TRIM44: variants seen among roughly 807,000 people sequenced by gnomAD.
TRIM44 encodes the protein tripartite motif containing 44, also known as tripartite motif-containing protein 44.
A neutral mutation model predicts 37.4 loss-of-function variants in TRIM44; 13 were observed. The observed-to-expected ratio is 0.35, with a 90% CI of 0.23 to 0.55. The LOEUF (loss-of-function observed/expected upper bound fraction) is 0.55. Among genes scored for constraint, TRIM44 ranks in the 20% least tolerant of loss-of-function variants. The probability of loss-of-function intolerance (pLI) is 0.89; values close to 1 mark genes in which losing one functional copy is unlikely to be tolerated. For synonymous variants in TRIM44, 175 were observed against 157.2 expected (o/e 1.11, Z -0.85); for missense variants, 426 against 437.2 (o/e 0.97, Z 0.23).
At chr11:35,797,978 C>T (rs1026468029) in intron 4 of TRIM44, among the ~76,000 whole-genome samples, 10 of 152,218 alleles carry the variant, frequency 6.6e-5, no homozygotes, top group Admixed American at 5.2e-4. Context: ...ACACCCATGA[C>T]ACAGCCTCAG....
At chr11:35,703,585 G>A (rs6484797) in intron 2 of TRIM44, among the ~76,000 whole-genome samples, 63,815 of 151,968 alleles carry the variant, frequency 0.42, 14,683 homozygotes, top group African/African-American at 0.6. Context: ...ACGATCAGAC[G>A]GCAGCATTCG....
rs559428930 is a variant in TRIM44, at chr11:35,814,603, G to A, written c.*8218G>A. On this transcript the variant is annotated 3_prime_UTR_variant, in exon 5 of 5. Coordinates refer to ENST00000299413, the MANE Select transcript of TRIM44 (RefSeq NM_017583.6). ...TGATGCACTGCTTTCAACACTGCAT[G>A]ACTGTAAAAACATGTGCCACGCTGA... 3.5e-4 allele frequency: 54 copies of A among 152,252 alleles called. 4 individuals are homozygous for A. The highest frequency in any genetic ancestry group is 1.3e-3 in the African/African-American group (52 of 41,542). The allele number at this position is 152,252 out of a possible 1,614,324, so 9.4% of individuals were successfully genotyped here. A position where few individuals can be genotyped will look rare whatever the true frequency, so the allele number is the denominator to read the frequency against.
chr11:35,797,956 A>G (rs1342135605), intron 4 of TRIM44, among the ~76,000 whole-genome samples: 1 of 152,194 alleles, frequency 6.6e-6, no homozygotes, highest in African/African-American at 2.4e-5. Context: ...TTATTTTGCC[A>G]AGGTTAAGGA....
rs1483281905 is a variant in TRIM44, at chr11:35,814,331, T to A, written c.*7946T>A. On this transcript the variant is annotated 3_prime_UTR_variant, in exon 5 of 5. Transcript: ENST00000299413. The stretch of plus-strand genomic sequence containing the variant: ...ATTCAGAAGCAAAAGACACATGAAG[T>A]TATGTGGCAGTTCCTCACTAGGGAA... 6.6e-6 allele frequency: 1 copy of A among 152,164 alleles called. No individual in the cohort carries two copies. The highest frequency in any genetic ancestry group is 6.6e-5 in the Admixed American group (1 of 15,266). 9.4% of individuals were successfully genotyped at this position (152,164 alleles called of 1,614,324 possible).
chr11:35,735,812 T>C (rs1295101508), intron 4 of TRIM44, among the ~76,000 whole-genome samples: 1 of 152,146 alleles, frequency 6.6e-6, no homozygotes, highest in African/African-American at 2.4e-5. Flanking sequence ...AGATTGATTT[T>C]TTTAATGGGC....
In TRIM44 at chr11:35,817,319, C is replaced by T. The variant is rs2133891759; in HGVS notation, c.*10934C>T. On this transcript the variant is annotated 3_prime_UTR_variant, in exon 5 of 5. Transcript: ENST00000299413. The stretch of plus-strand genomic sequence containing the variant: ...GAGAGTTGAGAAGCCTCACTCCCAT[C>T]CCTGCTCTGCCACTGACAAGTTGTG... 6.6e-6 allele frequency: 1 copy of T among 152,322 alleles called. No homozygotes were observed. Among genetic ancestry groups the T allele is most frequent in the South Asian group, 2.1e-4 (1 of 4,832 alleles). 9.4% of individuals were successfully genotyped at this position (152,322 alleles called of 1,614,324 possible). A position where few individuals can be genotyped will look rare whatever the true frequency, so the allele number is the denominator to read the frequency against.
intron 1 of TRIM44, among the ~76,000 whole-genome samples, chr11:35,678,786 G>A (rs1031979340): frequency 6.6e-6 from 1 of 152,076 alleles, no homozygotes; most frequent in Non-Finnish European, 1.5e-5. Context: ...TTTTAGTAGA[G>A]ATAGGGTTTC....
intron 2 of TRIM44, among the ~76,000 whole-genome samples, chr11:35,715,485 G>A (rs1852029562): frequency 6.6e-6 from 1 of 151,704 alleles, no homozygotes; most frequent in South Asian, 2.1e-4. Context: ...TATGGAGGAG[G>A]GAGAACCATG....
chr11:35,743,210 A>G (rs1178653128), intron 4 of TRIM44, among the ~76,000 whole-genome samples: 2 of 152,192 alleles, frequency 1.3e-5, no homozygotes. Flanking sequence ...GAATAACTGC[A>G]TGACTGGCCT....
intron 1 of TRIM44, among the ~76,000 whole-genome samples, chr11:35,678,325 G>A (rs1851483239): frequency 6.6e-6 from 1 of 152,144 alleles, no homozygotes. Context: ...AAGAATACAT[G>A]CCAACTGGAT....
chr11:35,713,502 CTT>C (rs34352321), intron 2 of TRIM44, among the ~76,000 whole-genome samples: 73 of 139,986 alleles, frequency 5.2e-4, no homozygotes, highest in Non-Finnish European at 5.4e-4. Flanking sequence ...ATATGACATG[CTT>C]TTTTTTTTTT....
intron 4 of TRIM44, among the ~76,000 whole-genome samples, chr11:35,787,702 G>T (rs1176547067): frequency 1.3e-5 from 2 of 152,234 alleles, no homozygotes; most frequent in Non-Finnish European, 2.9e-5. Context: ...AAAGCCAAGT[G>T]TCTGTACCCA....
At chr11:35,740,827 A>C (rs2135524166) in intron 4 of TRIM44, among the ~76,000 whole-genome samples, 1 of 152,214 alleles carries the variant, frequency 6.6e-6, no homozygotes, top group African/African-American at 2.4e-5. Flanking sequence ...GTCTTTTATC[A>C]CATATGGAGT....
intron 4 of TRIM44, among the ~76,000 whole-genome samples, chr11:35,783,774 A>G (rs1469607477): frequency 6.6e-6 from 1 of 152,156 alleles, no homozygotes; most frequent in African/African-American, 2.4e-5. Context: ...GTAATTCACT[A>G]TGCCTATCAG....
chr11:35,757,267 T>C (rs886954444), intron 4 of TRIM44, among the ~76,000 whole-genome samples: 2 of 152,246 alleles, frequency 1.3e-5, no homozygotes, highest in Non-Finnish European at 2.9e-5. Flanking sequence ...CCATTTCTTC[T>C]AGATTTTCTA....
At chr11:35,772,537 CATGACCCAG>C (rs996514532) in intron 4 of TRIM44, among the ~76,000 whole-genome samples, 1 of 152,230 alleles carries the variant, frequency 6.6e-6, no homozygotes, top group Non-Finnish European at 1.5e-5. Context: ...CTTGCATCAG[CATGACCCAG>C]ATTTGAGACA....
intron 2 of TRIM44, among the ~76,000 whole-genome samples, chr11:35,722,297 C>T (rs1048821865): frequency 6.6e-6 from 1 of 152,176 alleles, no homozygotes; most frequent in Non-Finnish European, 1.5e-5. Flanking sequence ...TAACACCTTG[C>T]AGGAAATTTG....
intron 4 of TRIM44, among the ~76,000 whole-genome samples, chr11:35,745,140 C>T (rs1165129141): frequency 6.6e-6 from 1 of 152,138 alleles, no homozygotes; most frequent in Non-Finnish European, 1.5e-5. Context: ...TTTGAGGAAT[C>T]ACCACACACT....
At chr11:35,742,244 G>A (rs1852406794) in intron 4 of TRIM44, among the ~76,000 whole-genome samples, 1 of 151,334 alleles carries the variant, frequency 6.6e-6, no homozygotes, top group Non-Finnish European at 1.5e-5. Context: ...CATCTAGCCA[G>A]CAATTTAAAT....
Sources: gnomAD v4.1 joint callset for allele counts (sites outside exome capture counted in the v4.1 genomes callset) on GRCh38, gnomAD v4.1.1 for gene constraint, MANE v1.5 for transcripts, NCBI Gene and HGNC (gene_info 2026-07-23, HGNC 2026-07-21) for gene names.